SLIT2: variants seen among roughly 807,000 people sequenced by gnomAD.
SLIT2 encodes the protein slit guidance ligand 2.
SLIT2 carries 41 observed loss-of-function variants against 185.7 expected under a neutral mutation model. The ratio of observed to expected loss-of-function variants is 0.22; its 90% CI spans 0.17 to 0.29. The LOEUF is 0.29. Among genes scored for constraint, SLIT2 ranks in the 10% least tolerant of loss-of-function variants. The pLI is 1.00. For missense variants in SLIT2, 1,571 were observed against 1,909.0 expected (o/e 0.82, Z 3.30); for synonymous variants, 693 against 680.2 (o/e 1.02, Z -0.29).
chr4:20,587,182 C>T (rs974590228), intron 29 of SLIT2, among the ~76,000 whole-genome samples: 4 of 151,994 alleles, frequency 2.6e-5, no homozygotes, highest in African/African-American at 9.7e-5. Context: ...CCACACCCAG[C>T]TAATTTTTGT....
At chr4:20,376,436 A>C (rs1034077433) in intron 4 of SLIT2, among the ~76,000 whole-genome samples, 3 of 152,090 alleles carry the variant, frequency 2.0e-5, no homozygotes, top group Non-Finnish European at 4.4e-5. Context: ...TGTAGAAAGC[A>C]TACTTCAAAA....
At position 20,596,758 on chromosome 4, in the gene SLIT2, T is replaced by C. The variant is rs527894937; in HGVS notation, c.3561+103T>C. ...TGAATGATTGATAGTATGTCTTAAATAGACAGTTAAAAACAGAAAATGCTC... is the reference window on the plus strand; with the variant it reads ...TGAATGATTGATAGTATGTCTTAAACAGACAGTTAAAAACAGAAAATGCTC... On this transcript the variant is annotated intron_variant, in intron 32 of 36. Transcript: ENST00000504154. The C allele has an allele frequency of 5.9e-4, 691 of 1,179,018 alleles. 11 individuals carry two copies. In the South Asian group the frequency reaches 0.01, roughly 18 times the overall value. 73.0% of individuals were successfully genotyped at this position (1,179,018 alleles called of 1,614,324 possible). A position where few individuals can be genotyped will look rare whatever the true frequency, so the allele number is the denominator to read the frequency against.
At chr4:20,556,992 C>A (rs1157662948) in intron 26 of SLIT2, among the ~76,000 whole-genome samples, 1 of 152,010 alleles carries the variant, frequency 6.6e-6, no homozygotes, top group Non-Finnish European at 1.5e-5. Context: ...AAAACCCTAA[C>A]CTAAAGCAAG....
rs888977121 is a variant in SLIT2, at chr4:20,324,668, C to T, written c.395+55787C>T. ...CACAGAATAACTATGTGATGTAGTT[C>T]GTGCTTTTGTTAACTAGCTAAATTT... is the stretch of plus-strand genomic sequence containing the variant. On this transcript the variant is annotated intron_variant, in intron 4 of 36. Coordinates refer to ENST00000504154, the MANE Select transcript of SLIT2 (RefSeq NM_004787.4). 1.5e-4 allele frequency among the ~76,000 whole-genome samples: 23 copies of T among 152,194 alleles called. No homozygotes were observed. The East Asian group carries it at 3.9e-3, about 26-fold the overall frequency.
Position 20,444,173 on chromosome 4 carries a change from A to G in SLIT2, c.396-23579A>G, listed in dbSNP as rs1711527048. On this transcript the variant is annotated intron_variant, in intron 4 of 36. Coordinates refer to ENST00000504154, the MANE Select transcript of SLIT2 (RefSeq NM_004787.4). ...TTTCTGAGTTGAGAAGACAGACTTA[A>G]CTTTCCTAGACTCGAGGCTAAGCAT... Among the ~76,000 whole-genome samples, 4 of 152,180 alleles carry G rather than the reference A, an allele frequency of 2.6e-5. No individual in the cohort carries two copies. In the South Asian group the frequency reaches 8.3e-4, roughly 32 times the overall value.
chr4:20,372,843 T>C (rs1253894585), intron 4 of SLIT2, among the ~76,000 whole-genome samples: 3 of 152,074 alleles, frequency 2.0e-5, no homozygotes, highest in African/African-American at 7.2e-5. Flanking sequence ...TTCTCTCTTT[T>C]TACACACCAT....
In SLIT2 at chr4:20,610,074, C is replaced by T. The variant is rs1729098229; in HGVS notation, c.3754C>T (p.Leu1252Phe). 7 of 1,613,680 alleles carry T rather than the reference C, an allele frequency of 4.3e-6. No homozygotes were observed. Among genetic ancestry groups the T allele is most frequent in the Non-Finnish European group, 5.1e-6 (6 of 1,179,704 alleles). ...GGAACTACTTGCCTTGGATCAGAGT[C>T]TCTCTTTGTCCGTGGATGGTGGGAA... ...IVELLALDQS[L>F]SLSVDGGNPK... is the part of the protein sequence containing the mutation. Residue 1252 changes from leucine (L) to phenylalanine (F), a missense_variant, in exon 34 of 37, where the codon CTC becomes TTC. Leu to Phe is a conservative substitution (Grantham distance 22). Coordinates refer to ENST00000504154, the MANE Select transcript of SLIT2 (RefSeq NM_004787.4).
At chr4:20,303,176 T>C (rs1393137327) in intron 4 of SLIT2, among the ~76,000 whole-genome samples, 2 of 152,216 alleles carry the variant, frequency 1.3e-5, no homozygotes, top group African/African-American at 4.8e-5. Context: ...GGTTCACTCT[T>C]TGGATTCTGT....
chr4:20,319,447 A>C (rs1718860548), intron 4 of SLIT2, among the ~76,000 whole-genome samples: 1 of 152,210 alleles, frequency 6.6e-6, no homozygotes, highest in Admixed American at 6.6e-5. Context: ...ACTAAATTTG[A>C]AATGAAAAGC....
At chr4:20,304,393 G>T (rs1717341990) in intron 4 of SLIT2, among the ~76,000 whole-genome samples, 1 of 152,128 alleles carries the variant, frequency 6.6e-6, no homozygotes, top group African/African-American at 2.4e-5. Context: ...ACATGGTTGT[G>T]AAGGAAGGAG....
At chr4:20,316,590 A>C (rs1288684684) in intron 4 of SLIT2, among the ~76,000 whole-genome samples, 3 of 151,824 alleles carry the variant, frequency 2.0e-5, no homozygotes, top group African/African-American at 7.2e-5. Context: ...AAAAGAAAGC[A>C]TTCTGATTGA....
rs200048770 is a variant in SLIT2 at position 20,600,412 on chromosome 4, C to CAT, written c.3692+2018_3692+2019dup. 9.0e-4 allele frequency among the ~76,000 whole-genome samples: 113 copies of CAT among 125,644 alleles called. 1 individual carries two copies. The highest frequency in any genetic ancestry group is 3.4e-3 in the African/African-American group (99 of 29,294). The allele number at this position is 125,644 out of a possible 152,430, so 82.4% of individuals were successfully genotyped here. On this transcript the variant is annotated intron_variant, in intron 33 of 36. Transcript: ENST00000504154. ...CATTTATAAAGGGACTATTATGTTG[C>CAT]ATTTTTTTTTTTTTTTTTTTTTTTT...
Position 20,549,103 on chromosome 4 carries a change from G to A in SLIT2, c.2464G>A (p.Asp822Asn). ...GAGATGTATTCCTCCTCGCACCTTT[G>A]ATGGATTAAAGTCTCTTCGATTACT... Reference protein sequence around the residue: ...RLRCIPPRTFDGLKSLRLLSL... With the variant: ...RLRCIPPRTFNGLKSLRLLSL... The change falls in exon 24 of 37, where the codon GAT becomes AAT. Residue 822 changes from aspartate to asparagine, a missense_variant. Physicochemically the swap from Asp to Asn is conservative, Grantham distance 23. Around this residue, in one of 3 missense-constraint regions of SLIT2, gnomAD observed 1,202 missense variants for 1,416.4 expected, o/e 0.85. Transcript: ENST00000504154. 1.3e-6 allele frequency: 2 copies of A among 1,597,178 alleles called. No homozygotes were observed. The highest frequency in any genetic ancestry group is 1.7e-6 in the Non-Finnish European group (2 of 1,165,212).
intron 29 of SLIT2, among the ~76,000 whole-genome samples, chr4:20,576,710 T>C (rs1420649697): frequency 2.6e-5 from 4 of 152,168 alleles, no homozygotes; most frequent in Non-Finnish European, 5.9e-5. Flanking sequence ...TTCAAAACTT[T>C]CTTAAATGCA....
chr4:20,313,624 C>T (rs943181540), intron 4 of SLIT2, among the ~76,000 whole-genome samples: 1 of 152,016 alleles, frequency 6.6e-6, no homozygotes, highest in Non-Finnish European at 1.5e-5. Flanking sequence ...AAGCGGTGGT[C>T]CCCAACCTTT....
chr4:20,391,592 T>C (rs945572873), intron 4 of SLIT2, among the ~76,000 whole-genome samples: 6 of 152,156 alleles, frequency 3.9e-5, no homozygotes, highest in Non-Finnish European at 8.8e-5. Flanking sequence ...TGTGAATACT[T>C]TGAAGTGCCA....
intron 26 of SLIT2, among the ~76,000 whole-genome samples, chr4:20,564,041 A>G (rs916565873): frequency 6.6e-6 from 1 of 151,792 alleles, no homozygotes; most frequent in Non-Finnish European, 1.5e-5. Flanking sequence ...AATTCTGCCA[A>G]GTGTTGGCTT....
chr4:20,527,059 C>T (rs1721358718), intron 15 of SLIT2, among the ~76,000 whole-genome samples: 1 of 152,154 alleles, frequency 6.6e-6, no homozygotes, highest in Non-Finnish European at 1.5e-5. Flanking sequence ...TCGCAAACTT[C>T]TTATGAGATT....
rs141485155 is a variant in SLIT2, at chr4:20,595,823, C to G, written c.3309C>G (p.Pro1103=). ...DAVNGYTCIC[P]EGYSGLFCEF... is the part of the protein sequence containing the mutation. ...TGAACGGCTATACGTGCATATGCCC[C>G]GAAGGTTACAGGTAAAAGCAGAAAT... The change falls in exon 31 of 37, where the codon CCC becomes CCG. Residue 1103 remains proline, a synonymous_variant. Coordinates refer to ENST00000504154, the MANE Select transcript of SLIT2 (RefSeq NM_004787.4). 1.2e-6 allele frequency: 2 copies of G among 1,613,382 alleles called. No individual in the cohort carries two copies. Among genetic ancestry groups the G allele is most frequent in the South Asian group, 1.1e-5 (1 of 91,040 alleles).
Sources: gnomAD v4.1 joint callset for allele counts (sites outside exome capture counted in the v4.1 genomes callset) on GRCh38, gnomAD v4.1.1 for gene constraint, gnomAD v4.1.1 regional missense constraint, MANE v1.5 for transcripts, NCBI Gene and HGNC (gene_info 2026-07-23, HGNC 2026-07-21) for gene names.